The following RNF217 variants were observed in gnomAD, a reference collection of about 807,000 sequenced individuals.
RNF217 encodes the protein ring finger protein 217, also known as E3 ubiquitin-protein ligase RNF217.
Under a neutral mutation model 57.8 loss-of-function variants are expected in RNF217, and 31 were observed. The observed-to-expected ratio is 0.54, with a 90% CI of 0.40 to 0.72. The LOEUF (loss-of-function observed/expected upper bound fraction) is 0.72. RNF217 is among the 30% of genes least tolerant of loss of function. RNF217 has a pLI of 0.00. For missense variants in RNF217, 696 were observed against 708.3 expected, an observed-to-expected ratio of 0.98 and a Z score of 0.20; for synonymous variants, 313 against 294.0, an observed-to-expected ratio of 1.06 and a Z score of -0.66.
intron 2 of RNF217, among the ~76,000 whole-genome samples, chr6:125,047,657 C>A (rs1365682026): frequency 6.6e-6 from 1 of 151,176 alleles, no homozygotes; most frequent in African/African-American, 2.4e-5. Context: ...TTCAACAACA[C>A]AATAAATGTT....
intron 1 of RNF217, among the ~76,000 whole-genome samples, chr6:124,977,145 A>C (rs990378011): frequency 2.0e-5 from 3 of 152,200 alleles, no homozygotes; most frequent in South Asian, 2.1e-4. Context: ...GGGAGTTATT[A>C]ACTCTTTTTA....
At chr6:125,071,235 C>A (rs531070894) in intron 3 of RNF217, among the ~76,000 whole-genome samples, 2 of 152,076 alleles carry the variant, frequency 1.3e-5, no homozygotes, top group Non-Finnish European at 2.9e-5. Context: ...AAGTAACATG[C>A]GTTTGGTAGA....
At chr6:125,073,185 G>A (rs1788216942) in intron 3 of RNF217, among the ~76,000 whole-genome samples, 2 of 152,182 alleles carry the variant, frequency 1.3e-5, no homozygotes, top group African/African-American at 4.8e-5. Context: ...ATATGTCCTA[G>A]TGCTCATGTG....
At chr6:125,016,427 A>G (rs149871556) in intron 1 of RNF217, among the ~76,000 whole-genome samples, 49 of 152,166 alleles carry the variant, frequency 3.2e-4, no homozygotes, top group Admixed American at 1.6e-3. Context: ...ATGGTATATG[A>G]AATCAATGTA....
Position 125,082,906 on chromosome 6 carries a change from G to C in RNF217, c.1598G>C (p.Arg533Thr). 1 of 1,604,590 alleles carries C rather than the reference G, an allele frequency of 6.2e-7. No homozygotes were observed. The highest frequency in any genetic ancestry group is 1.1e-5 in the South Asian group (1 of 89,022). Residue 533 changes from arginine to threonine, a missense_variant, in exon 6 of 6, where the codon AGA (arginine) becomes ACA (threonine). Transcript: ENST00000521654. ...ATCTATTGCCTTTGTAAAAAACAGA[G>C]AAAACGATCACGGACAGGTATGCAC... ...FPIYCLCKKQ[R>T]KRSRTGMHW
At chr6:125,008,834 T>C (rs1785302522) in intron 1 of RNF217, 1 of 153,440 alleles carries the variant, frequency 6.5e-6, no homozygotes, top group Non-Finnish European at 1.4e-5. Flanking sequence ...TTTATGTGTG[T>C]GTAGCTGGTG....
chr6:125,027,400 A>G (rs1786147230), intron 1 of RNF217, among the ~76,000 whole-genome samples: 1 of 152,192 alleles, frequency 6.6e-6, no homozygotes, highest in Non-Finnish European at 1.5e-5. Context: ...AAGTGAGAAC[A>G]TGCAATGTTT....
intron 1 of RNF217, chr6:124,996,554 A>G (rs573841508): frequency 2.6e-5 from 4 of 152,142 alleles, no homozygotes; most frequent in East Asian, 1.9e-4. Context: ...ATCCATTGCA[A>G]TCTGAATTCT....
At chr6:125,030,369 C>T (rs1278108446) in intron 1 of RNF217, among the ~76,000 whole-genome samples, 1 of 152,160 alleles carries the variant, frequency 6.6e-6, no homozygotes, top group African/African-American at 2.4e-5. Flanking sequence ...TCAGCATTAA[C>T]CCAAAAGTCC....
At chr6:125,062,913 C>A (rs1787793676) in intron 3 of RNF217, among the ~76,000 whole-genome samples, 5 of 152,086 alleles carry the variant, frequency 3.3e-5, no homozygotes, top group Admixed American at 2.6e-4. Flanking sequence ...TTATGAAACA[C>A]CATTTTTTAT....
rs528346756 is a variant in RNF217 at position 125,007,876 on chromosome 6, C to T, written c.883-37335C>T. On this transcript the variant is annotated intron_variant, in intron 1 of 5. Transcript: ENST00000521654. ...ATACTATTTTTTAATACATATATAC[C>T]TCTTATAAAGTGTAATTTATAAATC... Among the ~76,000 whole-genome samples, 5 of 152,126 alleles carry T rather than the reference C, an allele frequency of 3.3e-5. No individual in the cohort carries two copies. In the East Asian group the frequency reaches 9.7e-4, roughly 29 times the overall value.
Position 125,083,079 on chromosome 6 carries a change from T to C in RNF217, c.*142T>C. ...CCCAGTGATTCTCCGTGGGCCACAA[T>C]GCCTCTAGCTATGGTGCACTCCCAA... On this transcript the variant is annotated 3_prime_UTR_variant, in exon 6 of 6. Transcript: ENST00000521654. 1.7e-6 allele frequency: 1 copy of C among 572,414 alleles called. No homozygotes were observed. The highest frequency in any genetic ancestry group is 2.7e-4 in the Middle Eastern group (1 of 3,762). 35.5% of individuals were successfully genotyped at this position (572,414 alleles called of 1,614,324 possible).
In RNF217 at chr6:125,082,771, C is replaced by T. The variant is rs484433; in HGVS notation, c.1556-93C>T. 11,309 of 1,129,968 alleles carry T rather than the reference C, an allele frequency of 0.01. 743 individuals are homozygous for T. The African/African-American group carries it at 0.15, about 15-fold the overall frequency. The allele number at this position is 1,129,968 out of a possible 1,614,324, so 70.0% of individuals were successfully genotyped here. A position where few individuals can be genotyped will look rare whatever the true frequency, so the allele number is the denominator to read the frequency against. ...ATAGATGTCTTCTTCTTTGTATGTT[C>T]GTACACTGCAAATAAATAAACATAG... On this transcript the variant is annotated intron_variant, in intron 5 of 5. Transcript: ENST00000521654.
At chr6:125,048,032 G>A (rs961438315) in intron 2 of RNF217, 1 of 345,892 alleles carries the variant, frequency 2.9e-6, no homozygotes, top group South Asian at 2.9e-5. Context: ...AATTCCTGAA[G>A]CAATAATTTT....
rs2114534238 is a variant in RNF217 at position 125,045,337 on chromosome 6, G to C, written c.1009G>C (p.Gly337Arg). Residue 337 changes from glycine (G) to arginine (R), a missense_variant, in exon 2 of 6, where the codon GGC (glycine) becomes CGC (arginine). Physicochemically the swap from Gly to Arg is moderately radical, Grantham distance 125. Transcript: ENST00000521654. Reference sequence around the variant, plus strand: ...CAAGTATAAGTACTTCTTGGAACTTGGCCGTATTGATTCCAGCACCAAGCC... The same window carrying C: ...CAAGTATAAGTACTTCTTGGAACTTCGCCGTATTGATTCCAGCACCAAGCC... The part of the protein sequence containing the change: ...SIKYKYFLEL[G>R]RIDSSTKPCP... 1 of 1,613,372 alleles carries C rather than the reference G, an allele frequency of 6.2e-7. No homozygotes were observed. The highest frequency in any genetic ancestry group is 8.5e-7 in the Non-Finnish European group (1 of 1,179,632).
intron 4 of RNF217, 152 bp downstream of exon 4, chr6:125,077,010 A>G (rs1582782154): frequency 1.4e-6 from 1 of 697,142 alleles, no homozygotes; most frequent in East Asian, 2.7e-5. Context: ...ATAAAATTTA[A>G]AACTTAAATT....
At chr6:125,002,099 A>G (rs1582694191) in intron 1 of RNF217, among the ~76,000 whole-genome samples, 1 of 152,304 alleles carries the variant, frequency 6.6e-6, no homozygotes. Context: ...GTATTGTTAG[A>G]GAGTAAAATA....
chr6:125,022,035 C>T (rs554001229), intron 1 of RNF217, among the ~76,000 whole-genome samples: 2 of 152,060 alleles, frequency 1.3e-5, no homozygotes, highest in African/African-American at 2.4e-5. Flanking sequence ...GCATGCACCA[C>T]CACACCTGGC....
chr6:125,081,758 A>G (rs538613179), intron 5 of RNF217, among the ~76,000 whole-genome samples: 1 of 152,226 alleles, frequency 6.6e-6, no homozygotes, highest in East Asian at 1.9e-4. Context: ...TAACCCTTTT[A>G]TAACACAAAG....
Sources: gnomAD v4.1 joint callset for allele counts (sites outside exome capture counted in the v4.1 genomes callset) on GRCh38, gnomAD v4.1.1 for gene constraint, MANE v1.5 for transcripts, NCBI Gene and HGNC (gene_info 2026-07-23, HGNC 2026-07-21) for gene names.